AFF3: variants seen among roughly 807,000 people sequenced by gnomAD.
AFF3 encodes AF4/FMR2 family member 3.
A neutral mutation model predicts 129.7 loss-of-function variants in AFF3; 32 were observed. The observed-to-expected ratio is 0.25, with a 90% CI of 0.19 to 0.33. The LOEUF (loss-of-function observed/expected upper bound fraction) is 0.33. AFF3 is among the 10% of genes least tolerant of loss of function. AFF3 has a pLI of 1.00. For missense variants in AFF3, 1,373 were observed against 1,592.0 expected, an observed-to-expected ratio of 0.86 and a Z score of 2.34; for synonymous variants, 644 against 635.4, an observed-to-expected ratio of 1.01 and a Z score of -0.20.
At position 99,883,653 on chromosome 2, in the gene AFF3, C is replaced by T. The variant is rs1262560121; in HGVS notation, c.874-46129G>A. Reference sequence around the variant, plus strand: ...ATGGAGAGAAGGAAAATAACATGATCTTTCTTTTATCATTTCCTCATTCTC... The same window carrying T: ...ATGGAGAGAAGGAAAATAACATGATTTTTCTTTTATCATTTCCTCATTCTC... On this transcript the variant is annotated intron_variant, in intron 7 of 24. Coordinates refer to ENST00000672756, the MANE Select transcript of AFF3 (RefSeq NM_001386135.1). 2.0e-5 allele frequency among the ~76,000 whole-genome samples: 3 copies of T among 152,210 alleles called. No homozygotes were observed. The East Asian group carries it at 5.8e-4, about 29-fold the overall frequency.
At chr2:99,718,249 G>T (rs1016558827) in intron 11 of AFF3, among the ~76,000 whole-genome samples, 1 of 152,154 alleles carries the variant, frequency 6.6e-6, no homozygotes, top group Non-Finnish European at 1.5e-5. Context: ...TATAGATCAA[G>T]ATGAGAAAAA....
intron 2 of AFF3, among the ~76,000 whole-genome samples, chr2:100,108,069 C>CTCCAGCTTTGTCCCCTACAGCATCTCT (rs1691381075): frequency 6.6e-6 from 1 of 152,198 alleles, no homozygotes; most frequent in Non-Finnish European, 1.5e-5. Flanking sequence ...ACAGCATCTC[C>CTCCAGCTTTGTCCCCTACAGCATCTCT]TCCAGCTTTG....
At chr2:99,719,084 A>G (rs1416953410) in intron 11 of AFF3, among the ~76,000 whole-genome samples, 1 of 133,426 alleles carries the variant, frequency 7.5e-6, no homozygotes, top group Non-Finnish European at 1.5e-5. Flanking sequence ...GATGGCCATC[A>G]TTAGAATAAA....
intron 8 of AFF3, among the ~76,000 whole-genome samples, chr2:99,764,530 T>C (rs546092837): frequency 6.6e-6 from 1 of 152,330 alleles, no homozygotes; most frequent in Non-Finnish European, 1.5e-5. Flanking sequence ...TGAAACTTTT[T>C]TGAACAATAA....
chr2:99,608,285 CTA>C (rs1368062190), intron 13 of AFF3, among the ~76,000 whole-genome samples: 2 of 152,124 alleles, frequency 1.3e-5, no homozygotes, highest in African/African-American at 4.8e-5. Context: ...GACTGAGTGG[CTA>C]TGTTTCCCTA....
intron 8 of AFF3, among the ~76,000 whole-genome samples, chr2:99,835,620 G>T (rs113891577): frequency 0.012 from 1,892 of 152,154 alleles, 39 homozygotes; most frequent in Non-Finnish European, 0.016. Flanking sequence ...AAAGCTCCAG[G>T]CTCAACTAGC....
At chr2:99,668,575 T>G (rs900808451) in intron 12 of AFF3, among the ~76,000 whole-genome samples, 5 of 151,964 alleles carry the variant, frequency 3.3e-5, no homozygotes, top group Non-Finnish European at 5.9e-5. Flanking sequence ...GTTTTGTTTT[T>G]TTTTCGAGAA....
At chr2:99,700,399 G>A (rs1392789542) in intron 11 of AFF3, among the ~76,000 whole-genome samples, 4 of 152,204 alleles carry the variant, frequency 2.6e-5, no homozygotes, top group African/African-American at 4.8e-5. Context: ...GATTACAGGC[G>A]TGAGCCACCG....
At chr2:100,083,376 C>G (rs1164717401) in intron 4 of AFF3, among the ~76,000 whole-genome samples, 2 of 152,188 alleles carry the variant, frequency 1.3e-5, no homozygotes, top group East Asian at 3.9e-4. Context: ...CCTTCCAAAC[C>G]ATGGCCTGCA....
chr2:99,735,100 C>T (rs866911028), intron 10 of AFF3, among the ~76,000 whole-genome samples: 12 of 152,216 alleles, frequency 7.9e-5, no homozygotes, highest in African/African-American at 2.9e-4. Flanking sequence ...AAAACATATA[C>T]ATATATACAT....
At chr2:99,967,691 A>C (rs2104393856) in intron 7 of AFF3, among the ~76,000 whole-genome samples, 1 of 152,298 alleles carries the variant, frequency 6.6e-6, no homozygotes, top group East Asian at 1.9e-4. Context: ...ATATCCTTAA[A>C]CAGCAAAGAA....
chr2:99,868,198 C>T (rs1363879184), intron 7 of AFF3, among the ~76,000 whole-genome samples: 1 of 152,156 alleles, frequency 6.6e-6, no homozygotes, highest in African/African-American at 2.4e-5. Context: ...CCATTTTCCA[C>T]TCTCTTCCTG....
chr2:99,928,520 T>C (rs559361516), intron 7 of AFF3, among the ~76,000 whole-genome samples: 2 of 152,178 alleles, frequency 1.3e-5, no homozygotes, highest in Non-Finnish European at 2.9e-5. Flanking sequence ...GTTGTTGTTC[T>C]CGTAAACTTT....
At chr2:99,622,187 C>T (rs72966270) in intron 13 of AFF3, among the ~76,000 whole-genome samples, 9,130 of 152,054 alleles carry the variant, frequency 0.06, 915 homozygotes, top group African/African-American at 0.21. Flanking sequence ...GAAAATGAGT[C>T]GAGGGTGGGT....
chr2:99,773,054 C>T (rs761585139), intron 8 of AFF3, among the ~76,000 whole-genome samples: 13 of 152,232 alleles, frequency 8.5e-5, no homozygotes, highest in Admixed American at 5.2e-4. Flanking sequence ...GCAGGCTCTG[C>T]TCACCCGTTG....
chr2:99,719,359 T>C (rs1160974438), intron 11 of AFF3, among the ~76,000 whole-genome samples: 3 of 152,206 alleles, frequency 2.0e-5, no homozygotes, highest in Admixed American at 6.5e-5. Context: ...TAATATGTTG[T>C]GAATAATTTT....
At chr2:99,701,545 AG>A (rs2104781900) in intron 11 of AFF3, among the ~76,000 whole-genome samples, 1 of 152,360 alleles carries the variant, frequency 6.6e-6, no homozygotes, top group Non-Finnish European at 1.5e-5. Flanking sequence ...CAAAATGTAC[AG>A]GGAAGTCCTG....
intron 7 of AFF3, among the ~76,000 whole-genome samples, chr2:99,846,789 A>G (rs1045015383): frequency 2.6e-5 from 4 of 152,214 alleles, no homozygotes; most frequent in African/African-American, 9.6e-5. Flanking sequence ...GCATTTTGCT[A>G]AAAGAGCAGA....
rs1674236284 is a variant in AFF3 at position 99,549,167 on chromosome 2, A to C, written c.*2307T>G. On this transcript the variant is annotated 3_prime_UTR_variant, in exon 25 of 25. Transcript: ENST00000672756. ...CAGGGCCATCCCTTTATGTGTTTGAATATTTCATCAGGATTCTTCAAGAGT... is the reference window on the plus strand; with the variant it reads ...CAGGGCCATCCCTTTATGTGTTTGACTATTTCATCAGGATTCTTCAAGAGT... The C allele has an allele frequency of 4.6e-6, 1 of 218,540 alleles. No individual in the cohort carries two copies. Among genetic ancestry groups the C allele is most frequent in the African/African-American group, 2.2e-5 (1 of 44,468 alleles). The allele number at this position is 218,540 out of a possible 1,614,324, so 13.5% of individuals were successfully genotyped here.
Sources: gnomAD v4.1 joint callset for allele counts (sites outside exome capture counted in the v4.1 genomes callset) on GRCh38, gnomAD v4.1.1 for gene constraint, MANE v1.5 for transcripts, NCBI Gene and HGNC (gene_info 2026-07-23, HGNC 2026-07-21) for gene names.